NOL4: variants seen among roughly 807,000 people sequenced by gnomAD.
NOL4 encodes nucleolar protein 4, also known as cancer/testis antigen 125.
In NOL4, 17 loss-of-function variants were observed where a neutral mutation model predicts 75.9. The observed-to-expected ratio is 0.22, with a 90% CI of 0.15 to 0.34. The LOEUF (loss-of-function observed/expected upper bound fraction) is 0.34, where lower values mean the gene tolerates loss of function less well. NOL4 is among the 10% of genes least tolerant of loss of function. The pLI is 1.00. For synonymous variants in NOL4, 292 were observed against 289.9 expected, an observed-to-expected ratio of 1.01 and a Z score of -0.07; for missense variants, 614 against 793.5, an observed-to-expected ratio of 0.77 and a Z score of 2.72.
chr18:33,884,724 G>C (rs986325893), intron 9 of NOL4, among the ~76,000 whole-genome samples: 7 of 151,936 alleles, frequency 4.6e-5, no homozygotes, highest in African/African-American at 7.3e-5. Context: ...TAAATGTTGA[G>C]TATGTGGTTA....
chr18:34,046,602 T>TTATA (rs2076375551), intron 5 of NOL4, among the ~76,000 whole-genome samples: 2 of 32,100 alleles, frequency 6.2e-5, no homozygotes, highest in Non-Finnish European at 1.3e-4. Flanking sequence ...TACTATTTAC[T>TTATA]TATACATATA....
At chr18:34,177,976 T>C (rs554620771) in intron 1 of NOL4, among the ~76,000 whole-genome samples, 2 of 151,944 alleles carry the variant, frequency 1.3e-5, no homozygotes, top group African/African-American at 4.8e-5. Context: ...GAGTTAAATA[T>C]AAATGATGTA....
intron 10 of NOL4, among the ~76,000 whole-genome samples, chr18:33,882,239 A>C (rs924243432): frequency 5.3e-5 from 8 of 152,220 alleles, no homozygotes; most frequent in African/African-American, 1.4e-4. Flanking sequence ...TCTGCACAGC[A>C]AAAGAAACTA....
rs191490982 is a variant in NOL4, at chr18:34,189,238, C to T, written c.264+33752G>A. ...TGCAAAAGAGGCAAAACATGAGGAGCAGTCTCAGTTTATATTAATAACCAC... is the reference window on the plus strand; with the variant it reads ...TGCAAAAGAGGCAAAACATGAGGAGTAGTCTCAGTTTATATTAATAACCAC... On this transcript the variant is annotated intron_variant, in intron 1 of 10. Transcript: ENST00000261592. Among the ~76,000 whole-genome samples the T allele has an allele frequency of 3.0e-3, 458 of 152,166 alleles. 7 individuals carry two copies. The highest frequency in any genetic ancestry group is 0.01 in the African/African-American group (430 of 41,496).
At chr18:33,890,445 C>T (rs2065027058) in intron 9 of NOL4, among the ~76,000 whole-genome samples, 1 of 152,190 alleles carries the variant, frequency 6.6e-6, no homozygotes, top group Middle Eastern at 3.4e-3. Flanking sequence ...AATGGCCATA[C>T]TGCCCGAGGT....
intron 10 of NOL4, among the ~76,000 whole-genome samples, chr18:33,866,065 C>G (rs1036020134): frequency 3.3e-5 from 5 of 152,128 alleles, no homozygotes; most frequent in African/African-American, 1.2e-4. Context: ...TACTCCCCCA[C>G]CAAAGTTGTA....
At chr18:33,877,000 C>G (rs1599710453) in intron 10 of NOL4, among the ~76,000 whole-genome samples, 3 of 151,998 alleles carry the variant, frequency 2.0e-5, no homozygotes, top group African/African-American at 7.2e-5. Context: ...TTTTGTTTGC[C>G]AAGATTAGTG....
At chr18:33,883,166 C>CTATG in intron 10 of NOL4, 78 bp downstream of exon 10, 2 of 1,088,880 alleles carry the variant, frequency 1.8e-6, no homozygotes, top group Non-Finnish European at 2.6e-6. Context: ...TGTAACTAAC[C>CTATG]TGCGCAATGT....
At chr18:33,921,835 G>A (rs544543803) in intron 9 of NOL4, among the ~76,000 whole-genome samples, 8 of 152,178 alleles carry the variant, frequency 5.3e-5, no homozygotes, top group Admixed American at 1.3e-4. Context: ...GTTTTTCATC[G>A]GCTTTCCAGC....
chr18:34,185,438 G>A (rs781746134), intron 1 of NOL4, among the ~76,000 whole-genome samples: 11 of 152,076 alleles, frequency 7.2e-5, no homozygotes, highest in Non-Finnish European at 1.6e-4. Flanking sequence ...GAAACTCTGA[G>A]CTCAGAGAAA....
At chr18:34,213,322 C>T (rs897545814) in intron 1 of NOL4, among the ~76,000 whole-genome samples, 1 of 152,174 alleles carries the variant, frequency 6.6e-6, no homozygotes, top group African/African-American at 2.4e-5. Context: ...TGGAGTCTCA[C>T]TCTGTCACCC....
At chr18:33,856,020 C>T (rs1174632364) in intron 10 of NOL4, among the ~76,000 whole-genome samples, 2 of 151,966 alleles carry the variant, frequency 1.3e-5, no homozygotes, top group African/African-American at 4.8e-5. Context: ...CTATGGCATA[C>T]ATTTTTATTT....
chr18:34,070,913 C>T (rs948378028), intron 5 of NOL4, among the ~76,000 whole-genome samples: 4 of 151,752 alleles, frequency 2.6e-5, no homozygotes, highest in African/African-American at 9.7e-5. Context: ...AAATCAATAA[C>T]ACAAAGAACA....
chr18:34,002,413 G>A (rs547456276), intron 6 of NOL4, among the ~76,000 whole-genome samples: 24 of 152,084 alleles, frequency 1.6e-4, no homozygotes, highest in South Asian at 6.2e-4. Flanking sequence ...TAGCTCCTAC[G>A]CATTCTTTAG....
chr18:34,076,027 C>T (rs2077729654), intron 5 of NOL4, among the ~76,000 whole-genome samples: 1 of 151,722 alleles, frequency 6.6e-6, no homozygotes, highest in African/African-American at 2.4e-5. Flanking sequence ...GTTTCAGATC[C>T]CCAAGTTATG....
At chr18:34,105,994 A>T (rs1600607088) in intron 2 of NOL4, among the ~76,000 whole-genome samples, 1 of 152,224 alleles carries the variant, frequency 6.6e-6, no homozygotes, top group East Asian at 1.9e-4. Context: ...ATAAAAGCTG[A>T]CAGTGACTCA....
chr18:34,081,670 T>A (rs1428056175), intron 5 of NOL4, among the ~76,000 whole-genome samples: 1 of 152,162 alleles, frequency 6.6e-6, no homozygotes, highest in East Asian at 1.9e-4. Context: ...CATCATAGCT[T>A]GGTCTTATTA....
At chr18:33,930,117 T>G (rs17669601) in intron 9 of NOL4, among the ~76,000 whole-genome samples, 74,820 of 151,876 alleles carry the variant, frequency 0.49, 18,781 homozygotes, top group Non-Finnish European at 0.56. Flanking sequence ...ATGTGCACAA[T>G]GAATTCAAGT....
In NOL4 at chr18:33,943,289, T is replaced by A. The variant is rs577493631; in HGVS notation, c.1429-111A>T. On this transcript the variant is annotated intron_variant, in intron 8 of 10. Coordinates refer to ENST00000261592, the MANE Select transcript of NOL4 (RefSeq NM_003787.5). ...TCATCAACATGTGCAGGAATATCCA[T>A]TTATTTCAACTGAACTTGTTTCAAT... 132 of 669,170 alleles carry A rather than the reference T, an allele frequency of 2.0e-4. 1 individual carries two copies. In the South Asian group the frequency reaches 2.4e-3, roughly 12 times the overall value. 41.5% of individuals were successfully genotyped at this position (669,170 alleles called of 1,614,324 possible). A position where few individuals can be genotyped will look rare whatever the true frequency, so the allele number is the denominator to read the frequency against.
Sources: gnomAD v4.1 joint callset for allele counts (sites outside exome capture counted in the v4.1 genomes callset) on GRCh38, gnomAD v4.1.1 for gene constraint, MANE v1.5 for transcripts, NCBI Gene and HGNC (gene_info 2026-07-23, HGNC 2026-07-21) for gene names.